DSG4: variants seen among roughly 807,000 people sequenced by gnomAD.
DSG4 encodes desmoglein 4, also known as desmoglein-4.
A neutral mutation model predicts 93.1 loss-of-function variants in DSG4; 87 were observed. That is an observed-to-expected ratio of 0.93 (90% CI 0.79 to 1.12). DSG4 has a LOEUF of 1.12. DSG4 is among the 50% of genes most tolerant of loss of function. DSG4 has a pLI of 0.00. For missense variants in DSG4, 1,373 were observed against 1,285.7 expected (o/e 1.07, Z -1.04); for synonymous variants, 432 against 452.9 (o/e 0.95, Z 0.59).
In DSG4 at chr18:31,399,367, G is replaced by A. The variant is rs530136665; in HGVS notation, c.1101G>A (p.Met367Ile). Residue 367 changes from methionine to isoleucine, a missense_variant, in exon 9 of 16, where the codon ATG (methionine) becomes ATA (isoleucine). Met to Ile is a conservative substitution (Grantham distance 10). Transcript: ENST00000308128. ...ACTCCGTTGCTTCTCAATTCCAAATGCACCCAACCCCTGTGAGAATTCAAG... is the reference window on the plus strand; with the variant it reads ...ACTCCGTTGCTTCTCAATTCCAAATACACCCAACCCCTGTGAGAATTCAAG... Reference protein sequence around the residue: ...FHYSVASQFQMHPTPVRIQVV... With the variant: ...FHYSVASQFQIHPTPVRIQVV... 1.6e-5 allele frequency: 26 copies of A among 1,614,046 alleles called. No homozygotes were observed. The South Asian group carries it at 2.7e-4, about 17-fold the overall frequency.
intron 14 of DSG4, chr18:31,410,970 AC>A (rs1385250164): frequency 2.0e-6 from 2 of 1,011,704 alleles, no homozygotes; most frequent in Non-Finnish European, 2.8e-6. Context: ...CTAGTTCTAC[AC>A]CTTTAAGTCT....
intron 11 of DSG4, among the ~76,000 whole-genome samples, chr18:31,404,063 T>G (rs1777636972): frequency 6.6e-6 from 1 of 152,158 alleles, no homozygotes; most frequent in East Asian, 1.9e-4. Flanking sequence ...CATTTACTAC[T>G]CACTTAGGAG....
chr18:31,405,990 C>T lies in DSG4; in HGVS notation c.1637-87C>T. On this transcript the variant is annotated intron_variant, in intron 11 of 15. Coordinates refer to ENST00000308128, the MANE Select transcript of DSG4 (RefSeq NM_177986.5). ...GCATGAAAAATCTAGTGTTTTAAGT[C>T]AATATTTGGTATTAGGGAGAGTTAA... 4.0e-6 allele frequency: 6 copies of T among 1,483,016 alleles called. No individual in the cohort carries two copies. The South Asian group carries it at 7.0e-5, about 17-fold the overall frequency. 91.9% of individuals were successfully genotyped at this position (1,483,016 alleles called of 1,614,324 possible).
chr18:31,385,135 G>C lies in DSG4; in HGVS notation c.49-1G>C. On this transcript the variant is annotated splice_acceptor_variant, in intron 1 of 15. Coordinates refer to ENST00000308128, the MANE Select transcript of DSG4 (RefSeq NM_177986.5). LOFTEE classifies it high-confidence loss of function. Reference sequence around the variant, plus strand: ...TAATGTGGTATCTTCTATCAAAACAGGTGGTGATGGAAGTAAACAGTGAAT... The same window carrying C: ...TAATGTGGTATCTTCTATCAAAACACGTGGTGATGGAAGTAAACAGTGAAT... The C allele has an allele frequency of 6.2e-7, 1 of 1,601,552 alleles. No homozygotes were observed. The highest frequency in any genetic ancestry group is 8.5e-7 in the Non-Finnish European group (1 of 1,171,542).
At chr18:31,395,181 G>C (rs1422402574) in intron 8 of DSG4, among the ~76,000 whole-genome samples, 1 of 150,536 alleles carries the variant, frequency 6.6e-6, no homozygotes, top group African/African-American at 2.5e-5. Context: ...TTATAAATAT[G>C]AAAAAAATTA....
At chr18:31,398,763 A>G (rs1362485598) in intron 8 of DSG4, among the ~76,000 whole-genome samples, 1 of 152,102 alleles carries the variant, frequency 6.6e-6, no homozygotes, top group East Asian at 1.9e-4. Context: ...ATCATCATAA[A>G]TTCTTTGTAA....
intron 5 of DSG4, 60 bp downstream of exon 5, chr18:31,389,078 C>A (rs1264368763): frequency 6.3e-7 from 1 of 1,579,930 alleles, no homozygotes. Context: ...TGGTCAAAAG[C>A]TTTAGAGGAC....
At chr18:31,383,986 T>A (rs1167964374) in intron 1 of DSG4, among the ~76,000 whole-genome samples, 3 of 152,120 alleles carry the variant, frequency 2.0e-5, no homozygotes, top group Non-Finnish European at 4.4e-5. Context: ...CCTTATAGAT[T>A]TAGGTCATGT....
chr18:31,412,019 C>T (rs944020316), intron 15 of DSG4, among the ~76,000 whole-genome samples: 1 of 152,114 alleles, frequency 6.6e-6, no homozygotes, highest in Non-Finnish European at 1.5e-5. Context: ...AATAGCACTG[C>T]TGGGTATATA....
At chr18:31,398,808 A>G (rs961875263) in intron 8 of DSG4, among the ~76,000 whole-genome samples, 14 of 152,294 alleles carry the variant, frequency 9.2e-5, no homozygotes, top group African/African-American at 3.4e-4. Context: ...TTACGTGTTC[A>G]GTGACATCAT....
In DSG4 at chr18:31,404,629, A is replaced by G. The variant is rs370965554; in HGVS notation, c.1636+995A>G. Among the ~76,000 whole-genome samples the G allele has an allele frequency of 7.9e-5, 12 of 152,304 alleles. No individual in the cohort carries two copies. The East Asian group carries it at 2.3e-3, about 29-fold the overall frequency. ...TATTTACAGAATGGAGAAACCCTAAAATAAGGTGGGGAAAATACCACCAAT... is the reference window on the plus strand; with the variant it reads ...TATTTACAGAATGGAGAAACCCTAAGATAAGGTGGGGAAAATACCACCAAT... On this transcript the variant is annotated intron_variant, in intron 11 of 15. Coordinates refer to ENST00000308128, the MANE Select transcript of DSG4 (RefSeq NM_177986.5).
intron 5 of DSG4, among the ~76,000 whole-genome samples, chr18:31,390,018 G>A (rs1246102440): frequency 1.3e-5 from 2 of 152,150 alleles, no homozygotes; most frequent in African/African-American, 4.8e-5. Flanking sequence ...TGACAATTCT[G>A]AAAAGTCTGT....
chr18:31,403,193 T>TA (rs1261844674), intron 10 of DSG4, among the ~76,000 whole-genome samples: 1 of 151,868 alleles, frequency 6.6e-6, no homozygotes, highest in East Asian at 1.9e-4. Flanking sequence ...GAGTCCAGAG[T>TA]AAAAAAGAAA....
At chr18:31,410,378 T>C (rs2072473423) in intron 14 of DSG4, among the ~76,000 whole-genome samples, 1 of 151,492 alleles carries the variant, frequency 6.6e-6, no homozygotes, top group African/African-American at 2.4e-5. Context: ...TAGATTATTT[T>C]ATTATATATA....
At chr18:31,401,322 T>C (rs148072624) in intron 10 of DSG4, among the ~76,000 whole-genome samples, 1,716 of 152,294 alleles carry the variant, frequency 0.011, 21 homozygotes, top group Non-Finnish European at 0.018. Context: ...ATCTCACTTG[T>C]AGGGTATGTT....
At chr18:31,406,521 C>A in intron 12 of DSG4, 148 bp downstream of exon 12, 3 of 852,494 alleles carry the variant, frequency 3.5e-6, no homozygotes, top group East Asian at 2.6e-5. Flanking sequence ...ATGGGACTGA[C>A]AAATATATGC....
At chr18:31,398,972 G>A (rs1404053440) in intron 8 of DSG4, among the ~76,000 whole-genome samples, 1 of 151,648 alleles carries the variant, frequency 6.6e-6, no homozygotes, top group East Asian at 1.9e-4. Context: ...CACCTCATTT[G>A]GAAAATAATC....
At position 31,376,803 on chromosome 18, in the gene DSG4, TA is replaced by T; in HGVS notation, c.-105del. The T allele has an allele frequency of 8.1e-7, 1 of 1,234,192 alleles. No individual in the cohort carries two copies. The highest frequency in any genetic ancestry group is 1.2e-6 in the Non-Finnish European group (1 of 842,764). The allele number at this position is 1,234,192 out of a possible 1,614,324, so 76.5% of individuals were successfully genotyped here. ...ACCACAGTTATCACCCATGCCCTCC[TA>T]AAAGGGTGTCTCAAAGCATATCTTT... On this transcript the variant is annotated 5_prime_UTR_variant, in exon 1 of 16. Coordinates refer to ENST00000308128, the MANE Select transcript of DSG4 (RefSeq NM_177986.5).
At chr18:31,408,865 G>A (rs1262005313) in intron 12 of DSG4, among the ~76,000 whole-genome samples, 2 of 152,020 alleles carry the variant, frequency 1.3e-5, no homozygotes, top group African/African-American at 4.8e-5. Context: ...TGATTATTAG[G>A]GTAACAAATA....
Sources: allele counts gnomAD v4.1 joint callset (sites outside exome capture counted in the v4.1 genomes callset), GRCh38; gene constraint gnomAD v4.1.1; transcripts MANE v1.5; gene names NCBI Gene and HGNC (gene_info 2026-07-23, HGNC 2026-07-21).